Variants in GPHN observed in about 807,000 individuals in gnomAD.
GPHN encodes gephyrin.
In GPHN, 17 loss-of-function variants were observed where a neutral mutation model predicts 95.5. The ratio of observed to expected loss-of-function variants is 0.18; its 90% CI spans 0.12 to 0.27. The LOEUF (loss-of-function observed/expected upper bound fraction) is 0.27. Among genes scored for constraint, GPHN ranks in the 10% least tolerant of loss-of-function variants. GPHN has a pLI of 1.00. For missense variants in GPHN, 660 were observed against 978.1 expected (o/e 0.67, Z 4.34); for synonymous variants, 320 against 322.5 (o/e 0.99, Z 0.08).
chr14:66,946,928 C>G (rs1243425342), intron 8 of GPHN, among the ~76,000 whole-genome samples: 3 of 152,150 alleles, frequency 2.0e-5, no homozygotes, highest in Admixed American at 6.5e-5. Flanking sequence ...AGTGGCTGGT[C>G]TCATCATTTC....
the GPHN span, among the ~76,000 whole-genome samples, chr14:67,653,925 T>A: frequency 1.6e-4 from 25 of 152,320 alleles, 1 homozygote; most frequent in African/African-American, 5.8e-4. Context: ...GGATCTGGTT[T>A]TTTTCTTTAC....
intron 1 of GPHN, among the ~76,000 whole-genome samples, chr14:66,548,460 C>A (rs888122147): frequency 1.3e-5 from 2 of 152,148 alleles, no homozygotes; most frequent in African/African-American, 4.8e-5. Flanking sequence ...GGATTACAGG[C>A]GTGAGCCATT....
the GPHN span, chr14:67,582,262 T>G: frequency 6.2e-7 from 1 of 1,611,842 alleles, no homozygotes; most frequent in Non-Finnish European, 8.5e-7. This position sits in a 1 kb window ranked among gnomAD's most constrained non-coding sequence, Gnocchi z 5.0. Context: ...TTAGAATGAA[T>G]GCACCATGCA....
intron 1 of GPHN, among the ~76,000 whole-genome samples, chr14:66,639,198 A>G (rs916035912): frequency 2.6e-5 from 4 of 151,884 alleles, no homozygotes; most frequent in Admixed American, 6.6e-5. Flanking sequence ...ATTGGTAATT[A>G]TAAGTGGTGT....
At chr14:67,380,886 GT>G in the GPHN span, 1 of 478,278 alleles carries the variant, frequency 2.1e-6, no homozygotes. Context: ...CTAAATGGTT[GT>G]TTTTTATAAC....
intron 4 of GPHN, among the ~76,000 whole-genome samples, chr14:66,875,164 A>G (rs1414524541): frequency 6.6e-6 from 1 of 152,252 alleles, no homozygotes; most frequent in Non-Finnish European, 1.5e-5. Flanking sequence ...ACTAAGCTTC[A>G]TAAACAAAGG....
chr14:67,558,397 T>G, the GPHN span, among the ~76,000 whole-genome samples: 2 of 152,032 alleles, frequency 1.3e-5, no homozygotes, highest in African/African-American at 4.8e-5. Flanking sequence ...TTAATGGAGG[T>G]GCCTTTGTAT....
chr14:67,156,979 A>T (rs957142019), intron 18 of GPHN, among the ~76,000 whole-genome samples: 1 of 152,018 alleles, frequency 6.6e-6, no homozygotes, highest in Non-Finnish European at 1.5e-5. Flanking sequence ...TCAAAAAAAA[A>T]AAAAAAGAAA....
At chr14:67,219,298 C>G in the GPHN span, among the ~76,000 whole-genome samples, 4 of 152,270 alleles carry the variant, frequency 2.6e-5, no homozygotes, top group Admixed American at 2.0e-4. Flanking sequence ...AATGGGAGGT[C>G]TCTCCTGACT....
At chr14:67,416,619 T>A in the GPHN span, among the ~76,000 whole-genome samples, 19 of 152,346 alleles carry the variant, frequency 1.2e-4, no homozygotes, top group Admixed American at 3.9e-4. Flanking sequence ...TGTATATTCA[T>A]TCATCTGTCA....
the GPHN span, chr14:67,600,010 C>G: frequency 6.5e-7 from 1 of 1,545,998 alleles, no homozygotes; most frequent in South Asian, 1.2e-5. Flanking sequence ...GGGGAGGGGC[C>G]GACTTGCCAT....
the GPHN span, among the ~76,000 whole-genome samples, chr14:67,206,137 T>C: frequency 6.6e-6 from 1 of 151,846 alleles, no homozygotes; most frequent in Admixed American, 6.6e-5. Context: ...TGAGCCGAGA[T>C]CATGCCACTG....
chr14:66,781,289 A>G (rs1406531413), intron 3 of GPHN, among the ~76,000 whole-genome samples: 1 of 150,350 alleles, frequency 6.7e-6, no homozygotes, highest in East Asian at 2.0e-4. Flanking sequence ...CGATCTCAGC[A>G]CACTGCAACC....
intron 10 of GPHN, among the ~76,000 whole-genome samples, chr14:67,057,408 G>T (rs1197062585): frequency 9.6e-6 from 1 of 104,578 alleles, no homozygotes; most frequent in Non-Finnish European, 1.6e-5. Flanking sequence ...ATGGGCACAT[G>T]GGTGGGGGGG....
the GPHN span, chr14:67,303,442 T>G: frequency 4.4e-6 from 5 of 1,142,858 alleles, no homozygotes; most frequent in East Asian, 1.2e-4. Flanking sequence ...ATAGTCCAGT[T>G]TAGGGAATAT....
chr14:66,772,493 A>G (rs1299382243), intron 2 of GPHN, among the ~76,000 whole-genome samples: 2 of 152,244 alleles, frequency 1.3e-5, no homozygotes, highest in African/African-American at 4.8e-5. Context: ...GGTTGAGCCC[A>G]ATATAATCAC....
chr14:66,547,984 C>A (rs546935614), intron 1 of GPHN, among the ~76,000 whole-genome samples: 1 of 151,932 alleles, frequency 6.6e-6, no homozygotes, highest in African/African-American at 2.4e-5. Flanking sequence ...ATGGATATTG[C>A]ATTTTTCACA....
intron 8 of GPHN, among the ~76,000 whole-genome samples, chr14:66,931,849 A>G (rs2066815785): frequency 6.6e-6 from 1 of 152,330 alleles, no homozygotes; most frequent in East Asian, 1.9e-4. Context: ...CTCTGTTACT[A>G]CAGACTTGGT....
the GPHN span, among the ~76,000 whole-genome samples, chr14:67,534,651 G>T: frequency 9.6e-3 from 1,457 of 152,246 alleles, 30 homozygotes; most frequent in African/African-American, 0.033. Flanking sequence ...CCTGCTCAGA[G>T]TTGGGCAATT....
Sources: gnomAD v4.1 joint callset for allele counts (sites outside exome capture counted in the v4.1 genomes callset) on GRCh38, gnomAD v4.1.1 for gene constraint, Gnocchi (gnomAD v3.1) non-coding constraint, MANE v1.5 for transcripts, NCBI Gene and HGNC (gene_info 2026-07-23, HGNC 2026-07-21) for gene names.